Variants in SUGCT observed in about 807,000 individuals in gnomAD.
SUGCT encodes the protein succinyl-CoA:glutarate CoA-transferase.
A neutral mutation model predicts 55.0 loss-of-function variants in SUGCT; 41 were observed. That is an observed-to-expected ratio of 0.74 (90% CI 0.58 to 0.97). SUGCT has a LOEUF of 0.97. Ranked by LOEUF, SUGCT falls within the 50% of genes least tolerant of loss-of-function variation. The pLI, the probability that SUGCT is intolerant of heterozygous loss-of-function variation, is 0.00. For missense variants in SUGCT, 568 were observed against 547.8 expected (o/e 1.04, Z -0.37); for synonymous variants, 187 against 200.4 (o/e 0.93, Z 0.56).
At chr7:40,761,760 A>G (rs537365804) in intron 13 of SUGCT, among the ~76,000 whole-genome samples, 26 of 152,326 alleles carry the variant, frequency 1.7e-4, no homozygotes, top group Non-Finnish European at 1.8e-4. Flanking sequence ...TTGGAGCCAC[A>G]TGAGACAAGT....
At chr7:40,598,154 A>G (rs1295947378) in intron 12 of SUGCT, among the ~76,000 whole-genome samples, 1 of 152,170 alleles carries the variant, frequency 6.6e-6, no homozygotes, top group African/African-American at 2.4e-5. Context: ...ACATGCCAAG[A>G]TATCAGCTGT....
chr7:40,571,666 T>C (rs931115156), intron 12 of SUGCT, among the ~76,000 whole-genome samples: 1 of 152,160 alleles, frequency 6.6e-6, no homozygotes, highest in Non-Finnish European at 1.5e-5. Context: ...GAAAAAAAAT[T>C]CATTGGCTTG....
downstream of SUGCT, among the ~76,000 whole-genome samples, chr7:40,864,538 A>G (rs962989222): frequency 2.6e-5 from 4 of 152,162 alleles, no homozygotes; most frequent in African/African-American, 9.7e-5. Context: ...TCCACTAGAC[A>G]TCTTTACCCC....
At chr7:40,296,060 ATATC>A (rs1562655567) in intron 8 of SUGCT, among the ~76,000 whole-genome samples, 1 of 152,188 alleles carries the variant, frequency 6.6e-6, no homozygotes, top group Non-Finnish European at 1.5e-5. Flanking sequence ...TGATGATAAT[ATATC>A]CTTGTTGGGC....
chr7:40,934,723 C>G, the SUGCT span, among the ~76,000 whole-genome samples: 3 of 152,210 alleles, frequency 2.0e-5, no homozygotes, highest in African/African-American at 7.2e-5. Context: ...GAGCAAGGCT[C>G]CATGGGTGTA....
chr7:40,450,979 G>T, intron 10 of SUGCT, among the ~76,000 whole-genome samples: 1 of 152,184 alleles, frequency 6.6e-6, no homozygotes, highest in East Asian at 1.9e-4. Context: ...AACATCTGAG[G>T]TGGGAAAGAG....
At chr7:40,139,871 T>G (rs138396917) in intron 1 of SUGCT, among the ~76,000 whole-genome samples, 89 of 152,270 alleles carry the variant, frequency 5.8e-4, no homozygotes, top group Middle Eastern at 3.4e-3. Context: ...ATCCTTACAT[T>G]CAAGTCTTTA....
At chr7:40,668,682 A>G (rs929265050) in intron 12 of SUGCT, among the ~76,000 whole-genome samples, 5 of 152,338 alleles carry the variant, frequency 3.3e-5, no homozygotes, top group African/African-American at 7.2e-5. Context: ...TTTTGGACTT[A>G]TATATTCCAG....
chr7:40,694,275 A>G (rs1277389551), intron 12 of SUGCT, among the ~76,000 whole-genome samples: 1 of 152,202 alleles, frequency 6.6e-6, no homozygotes, highest in Non-Finnish European at 1.5e-5. Flanking sequence ...TTCAGCAAGG[A>G]TGTCAGGTCT....
At chr7:40,844,791 A>G (rs1410050270) in intron 13 of SUGCT, among the ~76,000 whole-genome samples, 1 of 152,212 alleles carries the variant, frequency 6.6e-6, no homozygotes, top group Non-Finnish European at 1.5e-5. Flanking sequence ...GAAATCCAGC[A>G]AGAGATGATG....
intron 1 of SUGCT, among the ~76,000 whole-genome samples, chr7:40,170,436 A>G (rs553622973): frequency 1.2e-4 from 18 of 152,062 alleles, no homozygotes; most frequent in Non-Finnish European, 2.1e-4. Flanking sequence ...AAGTACATAC[A>G]CTCTGACTGG....
At chr7:40,494,060 C>G (rs554816245) in intron 11 of SUGCT, among the ~76,000 whole-genome samples, 2 of 152,184 alleles carry the variant, frequency 1.3e-5, no homozygotes, top group Non-Finnish European at 2.9e-5. Flanking sequence ...AAATAAATCC[C>G]TCTCTTTTGC....
chr7:40,752,248 G>A (rs1788052077), intron 13 of SUGCT, among the ~76,000 whole-genome samples: 1 of 152,138 alleles, frequency 6.6e-6, no homozygotes, highest in Non-Finnish European at 1.5e-5. Context: ...TGACGGTCAT[G>A]GCTGCAGAAC....
the SUGCT span, among the ~76,000 whole-genome samples, chr7:40,995,683 A>G: frequency 6.6e-6 from 1 of 151,854 alleles, no homozygotes; most frequent in Non-Finnish European, 1.5e-5. Flanking sequence ...CATCACTATA[A>G]TCATCACGTA....
the SUGCT span, among the ~76,000 whole-genome samples, chr7:40,914,801 C>G: frequency 6.6e-6 from 1 of 152,128 alleles, no homozygotes; most frequent in Admixed American, 6.5e-5. Context: ...ACATGCCTGC[C>G]TTTTGTGGCC....
the SUGCT span, among the ~76,000 whole-genome samples, chr7:40,911,145 C>T: frequency 2.0e-5 from 3 of 152,160 alleles, no homozygotes; most frequent in African/African-American, 4.8e-5. Flanking sequence ...CCATGAGTGA[C>T]TTTCCTGATA....
chr7:40,785,731 T>C (rs1789978140), intron 13 of SUGCT, among the ~76,000 whole-genome samples: 1 of 152,170 alleles, frequency 6.6e-6, no homozygotes, highest in African/African-American at 2.4e-5. Flanking sequence ...TGAAGAATTG[T>C]AATTGTATTA....
chr7:40,332,271 C>T (rs555058348), intron 9 of SUGCT, among the ~76,000 whole-genome samples: 2 of 152,212 alleles, frequency 1.3e-5, no homozygotes, highest in Admixed American at 6.5e-5. Context: ...CCCATGGTTT[C>T]GCTTGATAAT....
intron 6 of SUGCT, among the ~76,000 whole-genome samples, chr7:40,218,687 A>G (rs1192174036): frequency 1.3e-5 from 2 of 152,122 alleles, no homozygotes; most frequent in African/African-American, 4.8e-5. Context: ...AAACACACCA[A>G]TCAGCGCTCT....
Sources: allele counts gnomAD v4.1 joint callset (sites outside exome capture counted in the v4.1 genomes callset), GRCh38; gene constraint gnomAD v4.1.1; transcripts MANE v1.5; gene names NCBI Gene and HGNC (gene_info 2026-07-23, HGNC 2026-07-21).